TMEM44: variants seen among roughly 807,000 people sequenced by gnomAD.
TMEM44 encodes transmembrane protein 44.
TMEM44 carries 43 observed loss-of-function variants against 47.8 expected under a neutral mutation model. The observed-to-expected ratio is 0.90, with a 90% CI of 0.70 to 1.16. The LOEUF (loss-of-function observed/expected upper bound fraction) is 1.16. Ranked by LOEUF, TMEM44 falls within the 50% of genes most tolerant of loss-of-function variation. The pLI is 0.00. For missense variants in TMEM44, 568 were observed against 555.2 expected, an observed-to-expected ratio of 1.02 and a Z score of -0.23; for synonymous variants, 277 against 238.8, an observed-to-expected ratio of 1.16 and a Z score of -1.48.
intron 9 of TMEM44, among the ~76,000 whole-genome samples, chr3:194,590,578 C>T (rs1028039050): frequency 1.3e-5 from 2 of 152,202 alleles, no homozygotes; most frequent in Non-Finnish European, 2.9e-5. Context: ...GGTCAGTGTG[C>T]TCTTTGATGA....
chr3:194,595,687 G>A (rs1225793547), intron 9 of TMEM44, among the ~76,000 whole-genome samples: 3 of 150,536 alleles, frequency 2.0e-5, no homozygotes, highest in East Asian at 1.9e-4. Flanking sequence ...GTACAATGGC[G>A]TGATCTCAGC....
At chr3:194,593,048 G>A (rs865921529) in intron 9 of TMEM44, 7 of 1,613,718 alleles carry the variant, frequency 4.3e-6, no homozygotes, top group South Asian at 1.1e-5. Flanking sequence ...TACCTGCTCC[G>A]AGTTTAGGGC....
intron 5 of TMEM44, among the ~76,000 whole-genome samples, chr3:194,618,483 T>A (rs1389741021): frequency 6.7e-6 from 1 of 148,862 alleles, no homozygotes; most frequent in East Asian, 1.9e-4. Flanking sequence ...TAAATTATAA[T>A]TCATTAGATG....
At chr3:194,600,059 C>T (rs563145453) in intron 9 of TMEM44, among the ~76,000 whole-genome samples, 46 of 151,874 alleles carry the variant, frequency 3.0e-4, no homozygotes, top group African/African-American at 1.0e-3. Context: ...CAAGCCCAGC[C>T]CCTTTTCCAA....
chr3:194,615,740 T>C, intron 6 of TMEM44, 43 bp from the exon 7 acceptor site: 1 of 1,606,190 alleles, frequency 6.2e-7, no homozygotes, highest in South Asian at 1.1e-5. Flanking sequence ...ATATTCCAGC[T>C]GCCTAGCGTG....
At chr3:194,626,063 G>A (rs1717145746) in intron 2 of TMEM44, 73 bp from the exon 3 acceptor site, 1 of 1,233,398 alleles carries the variant, frequency 8.1e-7, no homozygotes, top group African/African-American at 1.5e-5. Context: ...TGTCATCCGG[G>A]ACCCTGTATC....
chr3:194,610,223 AAG>A (rs1715168515), intron 8 of TMEM44, among the ~76,000 whole-genome samples: 1 of 151,674 alleles, frequency 6.6e-6, no homozygotes, highest in South Asian at 2.1e-4. Flanking sequence ...AAAAAAAAAA[AAG>A]AGAGAAAAAG....
Position 194,624,422 on chromosome 3 carries a change from A to AT in TMEM44, c.359-728dup, listed in dbSNP as rs1264311458. ...ACACACTGCTGCAGCACCCCCTCTGATTCATTTATTATTTTTGAGACAGGG... is the reference window on the plus strand; with the variant it reads ...ACACACTGCTGCAGCACCCCCTCTGATTTCATTTATTATTTTTGAGACAGGG... On this transcript the variant is annotated intron_variant, in intron 3 of 9. Transcript: ENST00000347147. Among the ~76,000 whole-genome samples, 7 of 151,926 alleles carry AT rather than the reference A, an allele frequency of 4.6e-5. No homozygotes were observed. The East Asian group carries it at 1.2e-3, about 25-fold the overall frequency.
At chr3:194,622,098 C>G (rs1230412909) in intron 5 of TMEM44, among the ~76,000 whole-genome samples, 1 of 152,372 alleles carries the variant, frequency 6.6e-6, no homozygotes, top group Middle Eastern at 3.4e-3. Context: ...ACAGTTGTCT[C>G]AGAGTCGTCT....
At chr3:194,594,163 C>CTGTCTGTCTGTCTG (rs1219090756) in intron 9 of TMEM44, among the ~76,000 whole-genome samples, 1 of 139,634 alleles carries the variant, frequency 7.2e-6, no homozygotes, top group Non-Finnish European at 1.6e-5. Flanking sequence ...ATCTATCTAT[C>CTGTCTGTCTGTCTG]TATATCTATC....
chr3:194,629,150 C>T (rs1157815074), intron 1 of TMEM44, among the ~76,000 whole-genome samples: 9 of 150,182 alleles, frequency 6.0e-5, no homozygotes, highest in South Asian at 4.2e-4. Context: ...GGTGACAAAG[C>T]GAGACTCCGT....
chr3:194,612,894 C>T (rs1176497851), intron 7 of TMEM44, among the ~76,000 whole-genome samples: 2 of 151,974 alleles, frequency 1.3e-5, no homozygotes, highest in African/African-American at 2.4e-5. Context: ...CCTCGTGATC[C>T]GCCCGCCTCT....
intron 7 of TMEM44, among the ~76,000 whole-genome samples, chr3:194,612,600 T>C (rs1362527818): frequency 7.0e-6 from 1 of 143,522 alleles, no homozygotes; most frequent in African/African-American, 2.6e-5. Context: ...GCCCAGGTAA[T>C]AGATGAGAGT....
At chr3:194,626,670 T>C (rs1213166973) in intron 2 of TMEM44, among the ~76,000 whole-genome samples, 2 of 151,572 alleles carry the variant, frequency 1.3e-5, no homozygotes, top group Non-Finnish European at 2.9e-5. Flanking sequence ...TAGTGCCAAG[T>C]ATGTAGTTAA....
At position 194,623,542 on chromosome 3, in the gene TMEM44, G is replaced by A. The variant is rs756752263; in HGVS notation, c.512C>T (p.Ala171Val). The A allele has an allele frequency of 8.8e-6, 14 of 1,596,522 alleles. No individual in the cohort carries two copies. Among genetic ancestry groups the A allele is most frequent in the South Asian group, 4.5e-5 (4 of 89,260 alleles). Residue 171 changes from alanine to valine, a missense_variant, in exon 4 of 10, where the codon GCG becomes GTG. Coordinates refer to ENST00000347147, the MANE Select transcript of TMEM44 (RefSeq NM_001011655.3). ...TIRGPQRRLL[A>V]SLLQENTEIL... ...GCCCAGCCTCACCTGCAGCAGGCTC[G>A]CTAGCAGCCTCCGCTGTGGCCCCCG...
intron 9 of TMEM44, among the ~76,000 whole-genome samples, chr3:194,591,319 C>T (rs979712550): frequency 6.6e-6 from 1 of 151,892 alleles, no homozygotes; most frequent in Non-Finnish European, 1.5e-5. Flanking sequence ...ATGGTGAAAC[C>T]CCATCTCTAT....
At chr3:194,625,076 C>T (rs1167635544) in intron 3 of TMEM44, among the ~76,000 whole-genome samples, 12 of 152,144 alleles carry the variant, frequency 7.9e-5, no homozygotes, top group Admixed American at 3.3e-4. Context: ...CTCAAGAAGC[C>T]GCAACCACAG....
At chr3:194,594,571 T>C (rs1307307008) in intron 9 of TMEM44, among the ~76,000 whole-genome samples, 1 of 151,142 alleles carries the variant, frequency 6.6e-6, no homozygotes, top group African/African-American at 2.4e-5. Context: ...AAATTAGTGA[T>C]AATTCCTTAG....
chr3:194,593,479 T>C (rs1713009424), intron 9 of TMEM44, among the ~76,000 whole-genome samples: 1 of 152,190 alleles, frequency 6.6e-6, no homozygotes, highest in Admixed American at 6.5e-5. Flanking sequence ...AATTCCTGCC[T>C]TGCAAATATG....
Sources: allele counts gnomAD v4.1 joint callset (sites outside exome capture counted in the v4.1 genomes callset), GRCh38; gene constraint gnomAD v4.1.1; transcripts MANE v1.5; gene names NCBI Gene and HGNC (gene_info 2026-07-23, HGNC 2026-07-21).